CCSER1: variants seen among roughly 807,000 people sequenced by gnomAD.
CCSER1 encodes the protein serine-rich coiled-coil domain-containing protein 1.
Under a neutral mutation model 82.0 loss-of-function variants are expected in CCSER1, and 41 were observed. That is an observed-to-expected ratio of 0.50 (90% CI 0.39 to 0.65). The LOEUF (loss-of-function observed/expected upper bound fraction) is 0.65. Ranked by LOEUF, CCSER1 falls within the 30% of genes least tolerant of loss-of-function variation. The pLI, the probability that CCSER1 is intolerant of heterozygous loss-of-function variation, is 0.00. For missense variants in CCSER1, 1,119 were observed against 1,064.2 expected (o/e 1.05, Z -0.72); for synonymous variants, 414 against 383.9 (o/e 1.08, Z -0.92).
At chr4:90,733,478 G>A (rs148842984) in intron 7 of CCSER1, among the ~76,000 whole-genome samples, 4 of 152,170 alleles carry the variant, frequency 2.6e-5, no homozygotes, top group African/African-American at 9.6e-5. Flanking sequence ...CTCCCGTTCT[G>A]TGAGTTTCTC....
At chr4:90,543,276 T>A (rs950646431) in intron 5 of CCSER1, among the ~76,000 whole-genome samples, 4 of 152,140 alleles carry the variant, frequency 2.6e-5, no homozygotes, top group Admixed American at 2.0e-4. Context: ...ACTATAAGAA[T>A]CTTAGCCATG....
intron 10 of CCSER1, among the ~76,000 whole-genome samples, chr4:91,322,431 A>G (rs1259986825): frequency 6.6e-6 from 1 of 152,090 alleles, no homozygotes; most frequent in Non-Finnish European, 1.5e-5. Context: ...AAGAGAATAT[A>G]TGAAAATTTG....
chr4:91,117,106 A>T (rs1199189588), intron 10 of CCSER1, among the ~76,000 whole-genome samples: 2 of 152,228 alleles, frequency 1.3e-5, no homozygotes, highest in Admixed American at 6.5e-5. Context: ...GTACAAAGCT[A>T]AACAGAAACA....
chr4:90,325,560 C>T (rs765114709), intron 3 of CCSER1: 1 of 357,170 alleles, frequency 2.8e-6, no homozygotes, highest in East Asian at 8.1e-5. Context: ...GCTGGGACAG[C>T]TTCCATAGCA....
chr4:91,517,776 GTGTGTGTGTT>G (rs70937012), intron 10 of CCSER1, among the ~76,000 whole-genome samples: 4,590 of 141,760 alleles, frequency 0.032, 97 homozygotes, highest in Non-Finnish European at 0.045. Context: ...GTGTGTGTGT[GTGTGTGTGTT>G]TAACTTTGAT....
At chr4:90,805,131 A>T (rs1278740100) in intron 7 of CCSER1, among the ~76,000 whole-genome samples, 1 of 152,182 alleles carries the variant, frequency 6.6e-6, no homozygotes, top group Non-Finnish European at 1.5e-5. Context: ...AGTTATTTCA[A>T]AATTTAGTGG....
At chr4:90,647,652 T>G (rs1195139307) in intron 6 of CCSER1, among the ~76,000 whole-genome samples, 1 of 152,218 alleles carries the variant, frequency 6.6e-6, no homozygotes, top group African/African-American at 2.4e-5. Flanking sequence ...AATAGTAGTG[T>G]ACTCTCCACT....
chr4:90,945,799 C>G (rs879701251), intron 9 of CCSER1, among the ~76,000 whole-genome samples: 3 of 152,202 alleles, frequency 2.0e-5, no homozygotes, highest in African/African-American at 4.8e-5. Context: ...CTCTAAATCA[C>G]TCTACAGTTC....
At chr4:90,414,654 T>C (rs2153557619) in intron 4 of CCSER1, among the ~76,000 whole-genome samples, 1 of 152,256 alleles carries the variant, frequency 6.6e-6, no homozygotes, top group South Asian at 2.1e-4. Context: ...AGTCATGCAA[T>C]ATGTTAGCAG....
At chr4:91,283,564 C>A (rs1743071289) in intron 10 of CCSER1, among the ~76,000 whole-genome samples, 1 of 152,004 alleles carries the variant, frequency 6.6e-6, no homozygotes, top group Non-Finnish European at 1.5e-5. Context: ...ATGTTCCCAT[C>A]TTTTGCTGTA....
intron 9 of CCSER1, among the ~76,000 whole-genome samples, chr4:91,032,260 C>A (rs1741047734): frequency 6.6e-6 from 1 of 152,220 alleles, no homozygotes; most frequent in Middle Eastern, 3.4e-3. Flanking sequence ...GTATCAACAG[C>A]ATTTTTGATG....
chr4:91,053,577 G>A (rs1156886916), intron 9 of CCSER1, among the ~76,000 whole-genome samples: 1 of 152,152 alleles, frequency 6.6e-6, no homozygotes, highest in African/African-American at 2.4e-5. Flanking sequence ...CCAGAGGATA[G>A]AGTATTTTAA....
At chr4:90,757,119 A>T (rs1247204157) in intron 7 of CCSER1, among the ~76,000 whole-genome samples, 1 of 152,204 alleles carries the variant, frequency 6.6e-6, no homozygotes, top group African/African-American at 2.4e-5. Flanking sequence ...ATGGAATTGG[A>T]TAAGAGATTC....
At chr4:90,831,478 C>T (rs1761104195) in intron 8 of CCSER1, among the ~76,000 whole-genome samples, 1 of 152,144 alleles carries the variant, frequency 6.6e-6, no homozygotes, top group African/African-American at 2.4e-5. Flanking sequence ...TTTTAGCAAA[C>T]ATTGATAACC....
intron 10 of CCSER1, among the ~76,000 whole-genome samples, chr4:91,501,526 CTAATA>C (rs1372658536): frequency 6.6e-6 from 1 of 151,870 alleles, no homozygotes; most frequent in African/African-American, 2.4e-5. Context: ...ATTATTACCC[CTAATA>C]TAATAGGACA....
rs573217949 is a variant in CCSER1 at position 91,187,366 on chromosome 4, G to C, written c.2217+101372G>C. ...GGTAGTATTAATCATAGGATTTTAA[G>C]TCTGGAAGAGATTTTCAAAATTGCC... On this transcript the variant is annotated intron_variant, in intron 10 of 10. Transcript: ENST00000509176. Among the ~76,000 whole-genome samples the C allele has an allele frequency of 1.3e-5, 2 of 152,250 alleles. 1 individual carries two copies. The highest frequency in any genetic ancestry group is 4.8e-5 in the African/African-American group (2 of 41,542).
chr4:90,938,557 C>T (rs889197521), intron 9 of CCSER1: 4 of 180,420 alleles, frequency 2.2e-5, no homozygotes, highest in East Asian at 1.4e-4. Context: ...TAAATAGAAC[C>T]GTTTTATGTT....
At chr4:90,293,646 A>G (rs1057267992) in intron 1 of CCSER1, among the ~76,000 whole-genome samples, 2 of 151,116 alleles carry the variant, frequency 1.3e-5, no homozygotes, top group Non-Finnish European at 3.0e-5. Flanking sequence ...GATCTTTTCA[A>G]AGATTTTTTA....
intron 9 of CCSER1, among the ~76,000 whole-genome samples, chr4:90,999,110 ATT>A (rs1737770953): frequency 6.6e-6 from 1 of 151,984 alleles, no homozygotes; most frequent in African/African-American, 2.4e-5. Context: ...TATGTATCAT[ATT>A]TTCTTTATCC....
Sources: allele counts gnomAD v4.1 joint callset (sites outside exome capture counted in the v4.1 genomes callset), GRCh38; gene constraint gnomAD v4.1.1; transcripts MANE v1.5; gene names NCBI Gene and HGNC (gene_info 2026-07-23, HGNC 2026-07-21).